The following GNA12 variants were observed in gnomAD, a reference collection of about 807,000 sequenced individuals.
GNA12 encodes guanine nucleotide-binding protein subunit alpha-12.
GNA12 carries 9 observed loss-of-function variants against 26.0 expected under a neutral mutation model. That is an observed-to-expected ratio of 0.35 (90% CI 0.21 to 0.60). The LOEUF (loss-of-function observed/expected upper bound fraction) is 0.60. GNA12 is among the 20% of genes least tolerant of loss of function. GNA12 has a pLI of 0.78. For missense variants in GNA12, 405 were observed against 525.8 expected (o/e 0.77, Z 2.25); for synonymous variants, 264 against 219.6 (o/e 1.20, Z -1.79).
rs1583273388 is a variant in GNA12, at chr7:2,778,076, T to A, written c.525+16852A>T. Among the ~76,000 whole-genome samples the A allele has an allele frequency of 2.6e-5, 4 of 152,352 alleles. No individual in the cohort carries two copies. In the Middle Eastern group the frequency reaches 0.01, roughly 389 times the overall value. On this transcript the variant is annotated intron_variant, in intron 2 of 3. Coordinates refer to ENST00000275364, the MANE Select transcript of GNA12 (RefSeq NM_007353.3). ...AAATGCTCAAACACGAGCTACACTA[T>A]GCCGCCTTAGCGGCATAGTCTTTTC...
chr7:2,761,112 C>T (rs910310281), intron 2 of GNA12, among the ~76,000 whole-genome samples: 2 of 152,216 alleles, frequency 1.3e-5, no homozygotes, highest in Non-Finnish European at 2.9e-5. Context: ...GTCTGGCTCT[C>T]GGCTGTGGGG....
At chr7:2,773,275 T>C (rs1791993019) in intron 2 of GNA12, among the ~76,000 whole-genome samples, 1 of 152,134 alleles carries the variant, frequency 6.6e-6, no homozygotes, top group South Asian at 2.1e-4. Context: ...TTAAAACAAA[T>C]AAACAAGGCT....
intron 2 of GNA12, among the ~76,000 whole-genome samples, chr7:2,761,778 C>T (rs539841692): frequency 1.2e-4 from 18 of 152,332 alleles, no homozygotes; most frequent in Non-Finnish European, 2.5e-4. Context: ...CGGCACTTCA[C>T]GTTCATTAAA....
chr7:2,807,083 G>A lies in GNA12; in HGVS notation c.310-11940C>T, dbSNP rs554934811. Among the ~76,000 whole-genome samples, 13 of 151,954 alleles carry A rather than the reference G, an allele frequency of 8.6e-5. No homozygotes were observed. In the South Asian group the frequency reaches 2.7e-3, roughly 32 times the overall value. On this transcript the variant is annotated intron_variant, in intron 1 of 3. Coordinates refer to ENST00000275364, the MANE Select transcript of GNA12 (RefSeq NM_007353.3). ...TTTTTAGTTGATCTATTTGCTTCAC[G>A]AAAATTGTCCTCCAATAATATCTAA...
chr7:2,774,648 T>C (rs1054428554), intron 2 of GNA12, among the ~76,000 whole-genome samples: 7 of 152,180 alleles, frequency 4.6e-5, no homozygotes, highest in African/African-American at 1.2e-4. Context: ...AAGTACAAGG[T>C]TTGAGAACCT....
intron 1 of GNA12, among the ~76,000 whole-genome samples, chr7:2,813,584 AAAAC>A (rs1486077072): frequency 1.3e-5 from 2 of 152,318 alleles, no homozygotes; most frequent in East Asian, 1.9e-4. Context: ...TGGGGAAAAA[AAAAC>A]AAACAAACAT....
intron 1 of GNA12, among the ~76,000 whole-genome samples, chr7:2,830,478 G>A (rs1269769155): frequency 6.6e-6 from 1 of 152,228 alleles, no homozygotes; most frequent in Non-Finnish European, 1.5e-5. Context: ...GCAGGAGGAA[G>A]GCATGTCCCC....
intron 2 of GNA12, among the ~76,000 whole-genome samples, chr7:2,789,377 C>A (rs957188425): frequency 1.3e-5 from 2 of 150,832 alleles, no homozygotes; most frequent in African/African-American, 2.5e-5. Flanking sequence ...CCTCGTGATC[C>A]GCCCGCCTCG....
At chr7:2,783,055 C>T (rs781144725) in intron 2 of GNA12, among the ~76,000 whole-genome samples, 28 of 152,110 alleles carry the variant, frequency 1.8e-4, no homozygotes, top group African/African-American at 6.0e-4. Flanking sequence ...GTTTAAAGAC[C>T]GGTGTCGGAG....
intron 2 of GNA12, among the ~76,000 whole-genome samples, chr7:2,788,932 G>C (rs567013789): frequency 6.6e-6 from 1 of 151,718 alleles, no homozygotes; most frequent in Non-Finnish European, 1.5e-5. Context: ...CGATTCTCCT[G>C]CCTCAGCCTC....
intron 1 of GNA12, among the ~76,000 whole-genome samples, chr7:2,821,101 A>G (rs1357821141): frequency 1.3e-5 from 2 of 152,220 alleles, no homozygotes; most frequent in African/African-American, 2.4e-5. Context: ...TTTCACAAAA[A>G]TGTTGTCTAG....
intron 1 of GNA12, among the ~76,000 whole-genome samples, chr7:2,821,826 T>C (rs921037784): frequency 1.3e-5 from 2 of 152,192 alleles, no homozygotes; most frequent in African/African-American, 4.8e-5. Context: ...GAAAAATACT[T>C]TGTTTACAAG....
At chr7:2,747,834 T>C (rs1175416511) in intron 2 of GNA12, among the ~76,000 whole-genome samples, 1 of 152,192 alleles carries the variant, frequency 6.6e-6, no homozygotes, top group African/African-American at 2.4e-5. Context: ...ATAAAATCAA[T>C]GTACAAAAAT....
chr7:2,729,628 AG>A lies in GNA12; in HGVS notation c.*1552del, dbSNP rs1183187352. ...GCGTTTACCGGGTTTGCGGAAAACAAGCCAAGGGTGAGCTGCAGAGGGGCTC... is the reference window on the plus strand; with the variant it reads ...GCGTTTACCGGGTTTGCGGAAAACAACCAAGGGTGAGCTGCAGAGGGGCTC... On this transcript the variant is annotated 3_prime_UTR_variant, in exon 4 of 4. Transcript: ENST00000275364. 101 of 152,500 alleles carry A rather than the reference AG, an allele frequency of 6.6e-4. No individual in the cohort carries two copies. The highest frequency in any genetic ancestry group is 2.3e-3 in the African/African-American group (97 of 41,582). The allele number at this position is 152,500 out of a possible 1,614,324, so 9.4% of individuals were successfully genotyped here.
intron 2 of GNA12, among the ~76,000 whole-genome samples, chr7:2,767,739 A>G (rs1170727797): frequency 1.3e-5 from 2 of 152,388 alleles, no homozygotes; most frequent in Middle Eastern, 3.4e-3. Context: ...TTTTGGAAAG[A>G]TAACATGGTA....
chr7:2,819,215 A>C (rs1793292209), intron 1 of GNA12, among the ~76,000 whole-genome samples: 2 of 152,188 alleles, frequency 1.3e-5, no homozygotes, highest in African/African-American at 4.8e-5. Flanking sequence ...TCAGAAAAGA[A>C]ACCGGACCTC....
At chr7:2,783,736 G>A (rs887840748) in intron 2 of GNA12, among the ~76,000 whole-genome samples, 2 of 151,344 alleles carry the variant, frequency 1.3e-5, no homozygotes, top group African/African-American at 4.9e-5. Flanking sequence ...CCAGGTTGGA[G>A]TGCAGTGGGG....
intron 1 of GNA12, among the ~76,000 whole-genome samples, chr7:2,820,218 G>C (rs561020708): frequency 3.9e-4 from 59 of 152,046 alleles, no homozygotes; most frequent in African/African-American, 1.4e-3. Context: ...TGGCCGCCCG[G>C]GGCTGGGGCT....
rs112097611 is a variant in GNA12, at chr7:2,803,640, A to T, written c.310-8497T>A. ...TGACATTTAGGTAGGTTTTCAACAA[A>T]TTTAGTTCAGTTGGACAGTGGGAAA... is the stretch of plus-strand genomic sequence containing the variant. On this transcript the variant is annotated intron_variant, in intron 1 of 3. Coordinates refer to ENST00000275364, the MANE Select transcript of GNA12 (RefSeq NM_007353.3). 6.8e-3 allele frequency among the ~76,000 whole-genome samples: 1,041 copies of T among 152,342 alleles called. 12 individuals are homozygous for T. The highest frequency in any genetic ancestry group is 0.024 in the African/African-American group (978 of 41,574).
Sources: gnomAD v4.1 joint callset for allele counts (sites outside exome capture counted in the v4.1 genomes callset) on GRCh38, gnomAD v4.1.1 for gene constraint, MANE v1.5 for transcripts, NCBI Gene and HGNC (gene_info 2026-07-23, HGNC 2026-07-21) for gene names.